The following ZSCAN30 variants were observed in gnomAD, a reference collection of about 807,000 sequenced individuals.
ZSCAN30 encodes zinc finger and SCAN domain containing 30.
In ZSCAN30, 37 loss-of-function variants were observed where a neutral mutation model predicts 44.3. The ratio of observed to expected loss-of-function variants is 0.84; its 90% CI spans 0.64 to 1.10. ZSCAN30 has a LOEUF of 1.10. Ranked by LOEUF, ZSCAN30 falls within the 50% of genes least tolerant of loss-of-function variation. The pLI, the probability that ZSCAN30 is intolerant of heterozygous loss-of-function variation, is 0.00. For synonymous variants in ZSCAN30, 181 were observed against 204.6 expected (o/e 0.88, Z 0.98); for missense variants, 549 against 582.6 (o/e 0.94, Z 0.59).
intron 1 of ZSCAN30, chr18:35,266,946 A>ACT (rs2044166276): frequency 6.6e-6 from 1 of 150,998 alleles, no homozygotes; most frequent in African/African-American, 2.4e-5. Context: ...GATTACAGGC[A>ACT]TGAGCCACCG....
At chr18:35,255,681 A>G (rs1409849184) in intron 3 of ZSCAN30, 3 of 154,318 alleles carry the variant, frequency 1.9e-5, no homozygotes, top group Non-Finnish European at 4.4e-5. Context: ...CACTTCAAAC[A>G]CAACAATAAA....
intron 1 of ZSCAN30, among the ~76,000 whole-genome samples, chr18:35,265,545 C>T (rs1018620949): frequency 3.3e-5 from 5 of 152,104 alleles, no homozygotes; most frequent in Non-Finnish European, 7.3e-5. Flanking sequence ...ATGCCCAGGA[C>T]AATCTTGGCT....
chr18:35,271,110 G>A (rs1223402667), intron 1 of ZSCAN30, among the ~76,000 whole-genome samples: 2 of 152,224 alleles, frequency 1.3e-5, no homozygotes, highest in East Asian at 1.9e-4. Flanking sequence ...AGAGTGAACA[G>A]CAGCAAGATT....
At position 35,253,768 on chromosome 18, in the gene ZSCAN30, T is replaced by TTC. The variant is rs779611332; in HGVS notation, c.1165_1166dup (p.Cys390AsnfsTer161). On this transcript the variant is annotated frameshift_variant, in exon 4 of 4. Transcript: ENST00000333206. LOFTEE classifies it high-confidence loss of function. The stretch of plus-strand genomic sequence containing the variant: ...AGCTCCGGCTGAAGGCCTTCCCACA[T>TTC]TCTCCACATTCATAAGGCTTCTCTC... 3.3e-5 allele frequency: 54 copies of TTC among 1,614,068 alleles called. No individual in the cohort carries two copies. In the South Asian group the frequency reaches 5.2e-4, roughly 15 times the overall value.
intron 1 of ZSCAN30, among the ~76,000 whole-genome samples, chr18:35,270,807 T>G (rs939183917): frequency 6.6e-6 from 1 of 152,148 alleles, no homozygotes; most frequent in Non-Finnish European, 1.5e-5. Context: ...TCGCAGTGAG[T>G]GTTAACAGTT....
chr18:35,253,260 G>A lies in ZSCAN30; in HGVS notation c.*190C>T, dbSNP rs780988176. ...TACCATTCTTTTTGGAGAAGACTTG[G>A]GTAACATTTTTCTTCCATTTAACAC... is the stretch of plus-strand genomic sequence containing the variant. On this transcript the variant is annotated 3_prime_UTR_variant, in exon 4 of 4. Transcript: ENST00000333206. The A allele has an allele frequency of 4.5e-5, 21 of 471,856 alleles. No homozygotes were observed. Among genetic ancestry groups the A allele is most frequent in the Non-Finnish European group, 7.8e-5 (21 of 269,844 alleles). The allele number at this position is 471,856 out of a possible 1,614,324, so 29.2% of individuals were successfully genotyped here.
chr18:35,261,889 T>C (rs1259050487), intron 3 of ZSCAN30: 1 of 152,198 alleles, frequency 6.6e-6, no homozygotes, highest in Admixed American at 6.5e-5. Context: ...CGTTTTAATG[T>C]AGCACCTGCT....
At chr18:35,258,043 A>T (rs1037119979) in intron 3 of ZSCAN30, 2 of 777,560 alleles carry the variant, frequency 2.6e-6, no homozygotes, top group African/African-American at 3.4e-5. Context: ...GAAACTTATA[A>T]CTCAAGGTTG....
intron 1 of ZSCAN30, among the ~76,000 whole-genome samples, chr18:35,271,912 GGGCCGGCGGCGCT>G (rs2044286515): frequency 6.6e-6 from 1 of 152,098 alleles, no homozygotes; most frequent in Non-Finnish European, 1.5e-5. Flanking sequence ...TTACTGCCTG[GGGCCGGCGGCGCT>G]GGCCGGCCGC....
At chr18:35,264,785 T>G (rs4799377) in intron 1 of ZSCAN30, among the ~76,000 whole-genome samples, 135,507 of 152,158 alleles carry the variant, frequency 0.89, 60,670 homozygotes, top group Non-Finnish European at 0.92. Flanking sequence ...ATTTTATTGA[T>G]CACTAGCTTG....
chr18:35,285,278 A>G (rs2044530868), intron 1 of ZSCAN30: 1 of 43,188 alleles, frequency 2.3e-5, no homozygotes, highest in Non-Finnish European at 8.8e-5. Flanking sequence ...AATCACAAGG[A>G]GAATAGACAA....
At chr18:35,256,963 A>G in intron 3 of ZSCAN30, 1 of 153,754 alleles carries the variant, frequency 6.5e-6, no homozygotes, top group Non-Finnish European at 1.4e-5. Flanking sequence ...TTTTGTAGAC[A>G]CGGGGTCTTG....
intron 1 of ZSCAN30, chr18:35,269,760 C>G (rs556703064): frequency 6.6e-6 from 1 of 150,766 alleles, no homozygotes; most frequent in African/African-American, 2.4e-5. Flanking sequence ...CTAGCCTGTA[C>G]TTGTTAAAAA....
At chr18:35,259,205 T>C (rs925273275) in intron 3 of ZSCAN30, 5 of 152,334 alleles carry the variant, frequency 3.3e-5, no homozygotes, top group African/African-American at 1.2e-4. Context: ...CTTTTCTTGT[T>C]GTTGTTGAGA....
chr18:35,285,982 C>T (rs887150288), intron 1 of ZSCAN30, among the ~76,000 whole-genome samples: 1 of 152,032 alleles, frequency 6.6e-6, no homozygotes, highest in African/African-American at 2.4e-5. Context: ...GGAGAAGATA[C>T]AAATTACTAA....
chr18:35,254,550 A>G, intron 3 of ZSCAN30, 169 bp from the exon 4 acceptor site: 2 of 1,243,752 alleles, frequency 1.6e-6, no homozygotes. Context: ...GTAGCCAAAT[A>G]TGGCCCCCTT....
In ZSCAN30 at chr18:35,252,480, TTTG is replaced by T. The variant is rs2043633733; in HGVS notation, c.*967_*969del. On this transcript the variant is annotated 3_prime_UTR_variant, in exon 4 of 4. Transcript: ENST00000333206. ...CTATTATACTTGAGGGCAATAAATA[TTTG>T]TTGAATTACTCCTTCAGATTCATTT... The T allele has an allele frequency of 6.6e-6, 1 of 152,146 alleles. No homozygotes were observed. The highest frequency in any genetic ancestry group is 2.4e-5 in the African/African-American group (1 of 41,438). 9.4% of individuals were successfully genotyped at this position (152,146 alleles called of 1,614,324 possible).
chr18:35,273,180 T>C (rs1050959440), intron 1 of ZSCAN30, among the ~76,000 whole-genome samples: 1 of 152,200 alleles, frequency 6.6e-6, no homozygotes, highest in African/African-American at 2.4e-5. Flanking sequence ...TCCATACCAA[T>C]TAAACAGTGA....
At chr18:35,264,899 C>A (rs1342728835) in intron 1 of ZSCAN30, among the ~76,000 whole-genome samples, 1 of 152,156 alleles carries the variant, frequency 6.6e-6, no homozygotes, top group African/African-American at 2.4e-5. Flanking sequence ...GTAATCCTAG[C>A]ACTTTGGGAG....
Sources: allele counts gnomAD v4.1 joint callset (sites outside exome capture counted in the v4.1 genomes callset), GRCh38; gene constraint gnomAD v4.1.1; transcripts MANE v1.5; gene names NCBI Gene and HGNC (gene_info 2026-07-23, HGNC 2026-07-21).